The following RBFOX1 variants were observed in gnomAD, a reference collection of about 807,000 sequenced individuals.
RBFOX1 encodes the protein RNA binding fox-1 homolog 1.
In RBFOX1, 8 loss-of-function variants were observed where a neutral mutation model predicts 57.7. The observed-to-expected ratio is 0.14, with a 90% CI of 0.08 to 0.25. The LOEUF (loss-of-function observed/expected upper bound fraction) is 0.25, where lower values mean the gene tolerates loss of function less well. RBFOX1 is among the 10% of genes least tolerant of loss of function. The probability of loss-of-function intolerance (pLI) is 1.00; values close to 1 mark genes in which losing one functional copy is unlikely to be tolerated. For missense variants in RBFOX1, 611 were observed against 548.5 expected, an observed-to-expected ratio of 1.11 and a Z score of -1.14; for synonymous variants, 326 against 222.4, an observed-to-expected ratio of 1.47 and a Z score of -4.15.
intron 3 of RBFOX1, among the ~76,000 whole-genome samples, chr16:5,745,935 T>C (rs538885558): frequency 8.9e-4 from 136 of 152,350 alleles, no homozygotes; most frequent in Non-Finnish European, 1.5e-3. Flanking sequence ...AGAAGCTCTT[T>C]AGTTTAATTA....
chr16:5,494,977 C>G (rs1014012867), intron 2 of RBFOX1, among the ~76,000 whole-genome samples: 1 of 152,106 alleles, frequency 6.6e-6, no homozygotes, highest in Non-Finnish European at 1.5e-5. Flanking sequence ...ATAGAAAATC[C>G]CAGGCATCAG....
chr16:6,791,566 C>T (rs1001286712), intron 3 of RBFOX1, among the ~76,000 whole-genome samples: 2 of 152,174 alleles, frequency 1.3e-5, no homozygotes, highest in East Asian at 1.9e-4. Flanking sequence ...CGAAACCAAC[C>T]TGGCCAACAT....
At chr16:7,610,915 A>AAAAT (rs2057354183) in intron 10 of RBFOX1, among the ~76,000 whole-genome samples, 1 of 152,226 alleles carries the variant, frequency 6.6e-6, no homozygotes, top group Non-Finnish European at 1.5e-5. Flanking sequence ...CCCAGCTATA[A>AAAAT]AAATAGTCTG....
chr16:5,687,508 C>T (rs552306851), intron 3 of RBFOX1, among the ~76,000 whole-genome samples: 6 of 152,278 alleles, frequency 3.9e-5, no homozygotes, highest in South Asian at 2.1e-4. Context: ...AAGCTATGTT[C>T]GAATGCTTTG....
intron 3 of RBFOX1, among the ~76,000 whole-genome samples, chr16:5,863,588 G>C (rs2151890934): frequency 6.6e-6 from 1 of 152,314 alleles, no homozygotes; most frequent in Non-Finnish European, 1.5e-5. Flanking sequence ...GCCTTAGAAG[G>C]GAGTCTCTGA....
chr16:7,150,542 G>A lies in RBFOX1; in HGVS notation c.27+98444G>A, dbSNP rs926412731. On this transcript the variant is annotated intron_variant, in intron 4 of 15. Coordinates refer to ENST00000550418, the MANE Select transcript of RBFOX1 (RefSeq NM_018723.4). ...ATGAAGAAAGTAAGGGATGGCTACC[G>A]TGTGATCAACTCTTAACAGATATTT... is the stretch of plus-strand genomic sequence containing the variant. Among the ~76,000 whole-genome samples the A allele has an allele frequency of 5.3e-5, 8 of 152,140 alleles. No homozygotes were observed. The South Asian group carries it at 6.2e-4, about 12-fold the overall frequency.
intron 3 of RBFOX1, among the ~76,000 whole-genome samples, chr16:5,853,974 A>C (rs930829345): frequency 2.0e-5 from 3 of 152,226 alleles, no homozygotes; most frequent in African/African-American, 7.2e-5. Flanking sequence ...ATTACAAACT[A>C]ATCCCTTATT....
chr16:7,240,686 C>A (rs917130157), intron 4 of RBFOX1, among the ~76,000 whole-genome samples: 1 of 152,108 alleles, frequency 6.6e-6, no homozygotes, highest in South Asian at 2.1e-4. Context: ...TCCTGAGTAG[C>A]TAGGACTAGA....
chr16:7,222,425 G>T (rs560138362), intron 4 of RBFOX1, among the ~76,000 whole-genome samples: 1 of 152,278 alleles, frequency 6.6e-6, no homozygotes, highest in Middle Eastern at 3.4e-3. Flanking sequence ...AACTGTTAGG[G>T]CATGTGGCAG....
intron 1 of RBFOX1, among the ~76,000 whole-genome samples, chr16:5,324,330 G>A (rs1397859432): frequency 6.6e-6 from 1 of 152,158 alleles, no homozygotes; most frequent in Non-Finnish European, 1.5e-5. Context: ...GGGCATGGTG[G>A]TGCACGCCTG....
At chr16:6,706,041 A>G (rs2062681788) in intron 3 of RBFOX1, among the ~76,000 whole-genome samples, 1 of 152,100 alleles carries the variant, frequency 6.6e-6, no homozygotes, top group Admixed American at 6.5e-5. Context: ...ATATAGATAG[A>G]TATAGGTTAG....
chr16:7,540,598 G>C (rs1323925814), intron 5 of RBFOX1, among the ~76,000 whole-genome samples: 1 of 152,192 alleles, frequency 6.6e-6, no homozygotes, highest in East Asian at 1.9e-4. Flanking sequence ...TGTCTCTGCT[G>C]TCTCTATGGT....
At chr16:5,320,062 G>A (rs2064360145) in intron 1 of RBFOX1, among the ~76,000 whole-genome samples, 2 of 152,204 alleles carry the variant, frequency 1.3e-5, no homozygotes, top group African/African-American at 4.8e-5. Context: ...TAAAGCAAGT[G>A]GGGTTTGGCA....
At chr16:7,533,954 C>A (rs990487954) in intron 5 of RBFOX1, among the ~76,000 whole-genome samples, 3 of 152,054 alleles carry the variant, frequency 2.0e-5, no homozygotes, top group Non-Finnish European at 2.9e-5. Flanking sequence ...GGCGATGTTA[C>A]CTCATTTTAA....
chr16:7,540,408 C>G (rs572340014), intron 5 of RBFOX1, among the ~76,000 whole-genome samples: 1 of 152,258 alleles, frequency 6.6e-6, no homozygotes, highest in East Asian at 1.9e-4. Flanking sequence ...TCAGGTGTTA[C>G]CCATGCAAGA....
chr16:6,503,357 C>G (rs2095995538), intron 2 of RBFOX1, among the ~76,000 whole-genome samples: 1 of 152,182 alleles, frequency 6.6e-6, no homozygotes, highest in African/African-American at 2.4e-5. Flanking sequence ...TCATAGCACT[C>G]TTGTTCTTGT....
At chr16:5,420,276 C>A (rs944081065) in intron 1 of RBFOX1, among the ~76,000 whole-genome samples, 1 of 152,058 alleles carries the variant, frequency 6.6e-6, no homozygotes, top group Non-Finnish European at 1.5e-5. Flanking sequence ...TTTTAGGTAA[C>A]CAGGGAATAG....
intron 3 of RBFOX1, among the ~76,000 whole-genome samples, chr16:5,745,717 T>C (rs1331863993): frequency 6.6e-6 from 1 of 152,236 alleles, no homozygotes; most frequent in African/African-American, 2.4e-5. Context: ...TTTTCATGTG[T>C]CTTTTGGCTG....
intron 3 of RBFOX1, among the ~76,000 whole-genome samples, chr16:5,744,759 C>T (rs946354416): frequency 1.3e-5 from 2 of 152,086 alleles, no homozygotes; most frequent in Non-Finnish European, 2.9e-5. Context: ...AGAAATTGTG[C>T]TTTCTTTTTC....
Sources: allele counts gnomAD v4.1 joint callset (sites outside exome capture counted in the v4.1 genomes callset), GRCh38; gene constraint gnomAD v4.1.1; transcripts MANE v1.5; gene names NCBI Gene and HGNC (gene_info 2026-07-23, HGNC 2026-07-21).